IL11RA: variants seen among roughly 807,000 people sequenced by gnomAD.
IL11RA encodes interleukin 11 receptor subunit alpha.
Under a neutral mutation model 57.0 loss-of-function variants are expected in IL11RA, and 51 were observed. That is an observed-to-expected ratio of 0.89 (90% CI 0.71 to 1.13). IL11RA has a LOEUF of 1.13. IL11RA is among the 50% of genes most tolerant of loss of function. IL11RA has a pLI of 0.00. For missense variants in IL11RA, 498 were observed against 539.4 expected (o/e 0.92, Z 0.76); for synonymous variants, 199 against 217.5 (o/e 0.91, Z 0.75).
At position 34,655,670 on chromosome 9, in the gene IL11RA, G is replaced by A; in HGVS notation, c.161+5G>A. On this transcript the variant is annotated splice_donor_5th_base_variant and intron_variant, in intron 3 of 12. Coordinates refer to ENST00000441545, the MANE Select transcript of IL11RA (RefSeq NM_001142784.3). ...TTGTCCTGGAGTGACTGCCGGGTAA[G>A]TGCCCCACCTGCCTGTTGGTCTGAC... The A allele has an allele frequency of 6.2e-7, 1 of 1,613,880 alleles. No individual in the cohort carries two copies. Among genetic ancestry groups the A allele is most frequent in the South Asian group, 1.1e-5 (1 of 91,070 alleles).
Position 34,660,947 on chromosome 9 carries a change from C to T in IL11RA, c.1252+11C>T, listed in dbSNP as rs1226673377. Reference sequence around the variant, plus strand: ...TGGACAGGCGTCCAGGTGAGTAGGACATCCAGAAGATTTGGACTTGGAGAT... The same window carrying T: ...TGGACAGGCGTCCAGGTGAGTAGGATATCCAGAAGATTTGGACTTGGAGAT... On this transcript the variant is annotated intron_variant, in intron 12 of 12. Transcript: ENST00000441545. 1 of 1,604,922 alleles carries T rather than the reference C, an allele frequency of 6.2e-7. No individual in the cohort carries two copies. Among genetic ancestry groups the T allele is most frequent in the African/African-American group, 1.3e-5 (1 of 74,404 alleles).
At chr9:34,659,659 T>A (rs1169080140) in intron 8 of IL11RA, 100 bp from the exon 9 acceptor site, 2 of 1,458,046 alleles carry the variant, frequency 1.4e-6, no homozygotes, top group Non-Finnish European at 1.9e-6. Flanking sequence ...TCCACTAGGC[T>A]TTAGGATGAG....
Position 34,658,533 on chromosome 9 carries a change from A to C in IL11RA, c.660A>C (p.Pro220=), listed in dbSNP as rs1587247757. The C allele has an allele frequency of 6.2e-7, 1 of 1,613,658 alleles. No homozygotes were observed. Among genetic ancestry groups the C allele is most frequent in the Non-Finnish European group, 8.5e-7 (1 of 1,179,938 alleles). Residue 220 remains proline (P), a synonymous_variant, in exon 8 of 13, where the codon CCA becomes CCC. Transcript: ENST00000441545. This position sits in a 1 kb window ranked among gnomAD's most constrained non-coding sequence, Gnocchi z 4.0. Reference sequence around the variant, plus strand: ...TGATGCCCTTAGTGCGCCCTGACCCACCCCAGGGCCTGCGGGTAGAGTCAG... The same window carrying C: ...TGATGCCCTTAGTGCGCCCTGACCCCCCCCAGGGCCTGCGGGTAGAGTCAG... The part of the protein sequence containing the change: ...VSLQSILRPD[P]PQGLRVESVP...
chr9:34,661,339 T>C lies in IL11RA; in HGVS notation c.1253-143T>C, dbSNP rs1181181481. The stretch of plus-strand genomic sequence containing the variant: ...GTCCACTCCCGTATCTTCAGTGTGT[T>C]GAAGAGGCTCCCTCAGAGCTGGGCT... On this transcript the variant is annotated intron_variant, in intron 12 of 12. Coordinates refer to ENST00000441545, the MANE Select transcript of IL11RA (RefSeq NM_001142784.3). 8 of 899,204 alleles carry C rather than the reference T, an allele frequency of 8.9e-6. No individual in the cohort carries two copies. The African/African-American group carries it at 9.8e-5, about 11-fold the overall frequency. 55.7% of individuals were successfully genotyped at this position (899,204 alleles called of 1,614,324 possible). A position where few individuals can be genotyped will look rare whatever the true frequency, so the allele number is the denominator to read the frequency against.
At position 34,660,506 on chromosome 9, in the gene IL11RA, C is replaced by A. The variant is rs1483030153; in HGVS notation, c.1075C>A (p.His359Asn). ...SLQPHPRLLDHRDSVEQVAVL... is the reference protein window; with the variant it reads ...SLQPHPRLLDNRDSVEQVAVL... Reference sequence around the variant, plus strand: ...TGACATGTGGCCCTCCCCCTCAGATCACAGGGACTCTGTGGAGCAGGTAGC... The same window carrying A: ...TGACATGTGGCCCTCCCCCTCAGATAACAGGGACTCTGTGGAGCAGGTAGC... The change falls in exon 11 of 13, where the codon CAC (histidine) becomes AAC (asparagine). Residue 359 changes from histidine (H) to asparagine (N), a missense_variant and splice_region_variant. His to Asn is a moderately conservative substitution (Grantham distance 68). Coordinates refer to ENST00000441545, the MANE Select transcript of IL11RA (RefSeq NM_001142784.3). The A allele has an allele frequency of 6.2e-7, 1 of 1,614,102 alleles. No individual in the cohort carries two copies. The highest frequency in any genetic ancestry group is 1.7e-5 in the Admixed American group (1 of 60,020).
In IL11RA at chr9:34,658,466, G is replaced by T; in HGVS notation, c.647-54G>T. The T allele has an allele frequency of 6.4e-7, 1 of 1,573,324 alleles. No homozygotes were observed. The highest frequency in any genetic ancestry group is 1.1e-5 in the South Asian group (1 of 90,338). On this transcript the variant is annotated intron_variant, in intron 7 of 12. Coordinates refer to ENST00000441545, the MANE Select transcript of IL11RA (RefSeq NM_001142784.3). This position sits in a 1 kb window ranked among gnomAD's most constrained non-coding sequence, Gnocchi z 4.0. ...TAAACACACACTTTGGGAAGTGGTG[G>T]GGAAGTGATGGAGACCCATAGCCTA...
At position 34,660,620 on chromosome 9, in the gene IL11RA, CCCTCAG is replaced by C; in HGVS notation, c.1169+25_1169+30del. ...GCTCTGGTAAGTGACTGCCATTGGTCCCTCAGCCTCTGATCCTCACACATGCTCTGA... is the reference window on the plus strand; with the variant it reads ...GCTCTGGTAAGTGACTGCCATTGGTCCCTCTGATCCTCACACATGCTCTGA... On this transcript the variant is annotated intron_variant, in intron 11 of 12. Transcript: ENST00000441545. The C allele has an allele frequency of 6.3e-7, 1 of 1,583,672 alleles. No homozygotes were observed. The highest frequency in any genetic ancestry group is 8.7e-7 in the Non-Finnish European group (1 of 1,152,488).
chr9:34,655,549 C>T (rs566619628), intron 2 of IL11RA, 56 bp from the exon 3 acceptor site: 15 of 1,525,408 alleles, frequency 9.8e-6, no homozygotes, highest in Non-Finnish European at 4.5e-6. Flanking sequence ...CTGTCATTCT[C>T]ACAAAGTGGG....
chr9:34,657,693 C>A, intron 7 of IL11RA, 106 bp downstream of exon 7: 1 of 1,116,342 alleles, frequency 9.0e-7, no homozygotes. Flanking sequence ...ACCTAGACTC[C>A]ATTTCACACA....
In IL11RA at chr9:34,661,414, A is replaced by C. The variant is rs1314191129; in HGVS notation, c.1253-68A>C. The C allele has an allele frequency of 2.6e-5, 41 of 1,562,834 alleles. No individual in the cohort carries two copies. In the East Asian group the frequency reaches 8.5e-4, roughly 32 times the overall value. ...AGCTTAGAACTGAGTCACCTCCCTCATTCTCAGGGTGTCTGGGCCAAGATC... is the reference window on the plus strand; with the variant it reads ...AGCTTAGAACTGAGTCACCTCCCTCCTTCTCAGGGTGTCTGGGCCAAGATC... On this transcript the variant is annotated intron_variant, in intron 12 of 12. Coordinates refer to ENST00000441545, the MANE Select transcript of IL11RA (RefSeq NM_001142784.3).
intron 11 of IL11RA, 61 bp downstream of exon 11, chr9:34,660,661 A>G (rs1821438898): frequency 1.4e-6 from 2 of 1,419,546 alleles, no homozygotes; most frequent in Middle Eastern, 1.8e-4. Context: ...ATGCCCATAG[A>G]CCACATTCAT....
rs547299292 is a variant in IL11RA, at chr9:34,655,789, C to T, written c.161+124C>T. On this transcript the variant is annotated intron_variant, in intron 3 of 12. Transcript: ENST00000441545. ...CGTAATCCTCACCTCTCTATCTGTC[C>T]TAACCGTCTAACTATCCTTATTCAA... 284 of 795,784 alleles carry T rather than the reference C, an allele frequency of 3.6e-4. No individual in the cohort carries two copies. The African/African-American group carries it at 3.8e-3, about 11-fold the overall frequency. The allele number at this position is 795,784 out of a possible 1,614,324, so 49.3% of individuals were successfully genotyped here.
rs1821462647 is a variant in IL11RA at position 34,661,780 on chromosome 9, A to G, written c.*282A>G. The G allele has an allele frequency of 2.6e-6, 2 of 782,686 alleles. No individual in the cohort carries two copies. The highest frequency in any genetic ancestry group is 4.3e-6 in the Non-Finnish European group (2 of 468,466). 48.5% of individuals were successfully genotyped at this position (782,686 alleles called of 1,614,324 possible). ...GAGGCAGGGAACATGTATTCTCTGCATGCATGTATGTAGGTGCCTGGGGAG... is the reference window on the plus strand; with the variant it reads ...GAGGCAGGGAACATGTATTCTCTGCGTGCATGTATGTAGGTGCCTGGGGAG... On this transcript the variant is annotated 3_prime_UTR_variant, in exon 13 of 13. Coordinates refer to ENST00000441545, the MANE Select transcript of IL11RA (RefSeq NM_001142784.3).
intron 2 of IL11RA, 48 bp downstream of exon 2, chr9:34,655,365 GC>G: frequency 8.4e-7 from 1 of 1,184,258 alleles, no homozygotes; most frequent in Non-Finnish European, 1.2e-6. Flanking sequence ...CTTGTGACTT[GC>G]CACCCTCACT....
intron 2 of IL11RA, 130 bp downstream of exon 2, chr9:34,655,447 C>A (rs1821325380): frequency 1.2e-6 from 1 of 864,388 alleles, no homozygotes; most frequent in Non-Finnish European, 1.9e-6. Flanking sequence ...CCTCTCTCTA[C>A]CCTGTTCTCT....
rs371757880 is a variant in IL11RA at position 34,658,699 on chromosome 9, C to T, written c.810+16C>T. 15 of 1,609,522 alleles carry T rather than the reference C, an allele frequency of 9.3e-6. No homozygotes were observed. The highest frequency in any genetic ancestry group is 1.6e-4 in the Middle Eastern group (1 of 6,062). Reference sequence around the variant, plus strand: ...CTGGTCCACGGTGAGGCCTGGAGTGCGTCCCAACCCACGGCTGTGGGTCCT... The same window carrying T: ...CTGGTCCACGGTGAGGCCTGGAGTGTGTCCCAACCCACGGCTGTGGGTCCT... On this transcript the variant is annotated intron_variant, in intron 8 of 12. Transcript: ENST00000441545. This position sits in a 1 kb window ranked among gnomAD's most constrained non-coding sequence, Gnocchi z 4.0.
rs944305181 is a variant in IL11RA, at chr9:34,658,094, T to C, written c.647-426T>C. 1.3e-5 allele frequency among the ~76,000 whole-genome samples: 2 copies of C among 152,178 alleles called. No homozygotes were observed. Among genetic ancestry groups the C allele is most frequent in the Non-Finnish European group, 2.9e-5 (2 of 68,024 alleles). On this transcript the variant is annotated intron_variant, in intron 7 of 12. Coordinates refer to ENST00000441545, the MANE Select transcript of IL11RA (RefSeq NM_001142784.3). The surrounding 1 kb of genome is among the most constrained non-coding windows in gnomAD (Gnocchi z 4.0). ...ACTTTGTGCCCAGGCTGGATGAAGT[T>C]CAGTGGTGTGATCTTGGCTCACTGA...
Position 34,653,660 on chromosome 9 carries a change from GAAAACAC to G in IL11RA, c.-1+1429_-1+1435del, listed in dbSNP as rs1821289797. Among the ~76,000 whole-genome samples, 3 of 152,240 alleles carry G rather than the reference GAAAACAC, an allele frequency of 2.0e-5. No individual in the cohort carries two copies. Among genetic ancestry groups the G allele is most frequent in the African/African-American group, 7.2e-5 (3 of 41,454 alleles). On this transcript the variant is annotated intron_variant, in intron 1 of 12. Coordinates refer to ENST00000441545, the MANE Select transcript of IL11RA (RefSeq NM_001142784.3). This position sits in a 1 kb window ranked among gnomAD's most constrained non-coding sequence, Gnocchi z 4.5. ...TGAATGTGACTGTGTCTGGCTGTGTGAAAACACAGGGCATCTCTCACTGACAGGGACA... is the reference window on the plus strand; with the variant it reads ...TGAATGTGACTGTGTCTGGCTGTGTGAGGGCATCTCTCACTGACAGGGACA...
intron 9 of IL11RA, 55 bp from the exon 10 acceptor site, chr9:34,660,219 G>A (rs1214047292): frequency 5.6e-6 from 9 of 1,613,644 alleles, no homozygotes; most frequent in South Asian, 1.1e-5. Flanking sequence ...AGCACAGGAC[G>A]TGACCCCCGT....
Sources: gnomAD v4.1 joint callset for allele counts (sites outside exome capture counted in the v4.1 genomes callset) on GRCh38, gnomAD v4.1.1 for gene constraint, Gnocchi (gnomAD v3.1) non-coding constraint, MANE v1.5 for transcripts, NCBI Gene and HGNC (gene_info 2026-07-23, HGNC 2026-07-21) for gene names.